SPRY3: variants seen among roughly 807,000 people sequenced by gnomAD.
SPRY3 encodes the protein sprouty RTK signaling antagonist 3.
Under a neutral mutation model 20.2 loss-of-function variants are expected in SPRY3, and 15 were observed. That is an observed-to-expected ratio of 0.74 (90% CI 0.50 to 1.14). The LOEUF is 1.14. SPRY3 is among the 50% of genes most tolerant of loss of function. The probability of loss-of-function intolerance (pLI) is 0.00; values close to 1 mark genes in which losing one functional copy is unlikely to be tolerated. For synonymous variants in SPRY3, 143 were observed against 136.5 expected (o/e 1.05, Z -0.33); for missense variants, 364 against 363.9 (o/e 1.00, Z 0.00).
intron 2 of SPRY3, among the ~76,000 whole-genome samples, chrX:155,721,645 A>G (rs1215200625): frequency 6.6e-6 from 1 of 152,076 alleles, no homozygotes; most frequent in Non-Finnish European, 1.5e-5. Flanking sequence ...AGAGAGTGGC[A>G]TGATATATTT....
intron 2 of SPRY3, among the ~76,000 whole-genome samples, chrX:155,745,580 G>T (rs1199275600): frequency 2.0e-5 from 3 of 152,006 alleles, no homozygotes; most frequent in Non-Finnish European, 2.9e-5. Flanking sequence ...TCCTTGACAT[G>T]CAGAAAGACT....
At chrX:155,725,368 A>G (rs891728534) in intron 2 of SPRY3, among the ~76,000 whole-genome samples, 114 of 152,184 alleles carry the variant, frequency 7.5e-4, no homozygotes, top group African/African-American at 2.7e-3. Flanking sequence ...TTTTTCTATT[A>G]ATTGGAATAG....
intron 2 of SPRY3, among the ~76,000 whole-genome samples, chrX:155,752,823 T>C (rs2091269622): frequency 6.6e-6 from 1 of 151,872 alleles, no homozygotes; most frequent in African/African-American, 2.4e-5. Flanking sequence ...GAGAGCAATT[T>C]GGCAATATTA....
At chrX:155,672,900 T>C (rs1421867830) in intron 2 of SPRY3, among the ~76,000 whole-genome samples, 1 of 105,345 alleles carries the variant, frequency 9.5e-6, no homozygotes, top group Non-Finnish European at 1.9e-5. Context: ...AAATGATGAG[T>C]TCATGTCCTT....
chrX:155,695,603 A>G (rs997626736), intron 2 of SPRY3, among the ~76,000 whole-genome samples: 3 of 110,669 alleles, frequency 2.7e-5, no homozygotes, highest in South Asian at 3.8e-4. Flanking sequence ...ACATATACTG[A>G]ACATTTTGAT....
exon 4 of SPRY3, chrX:155,775,035 G>A (rs938799114): frequency 1.5e-5 from 7 of 478,894 alleles, no homozygotes; most frequent in Non-Finnish European, 1.9e-5. Context: ...GGACTGACAG[G>A]GCCAGCAACG....
intron 2 of SPRY3, among the ~76,000 whole-genome samples, chrX:155,721,758 A>G (rs1358674978): frequency 1.3e-5 from 2 of 152,192 alleles, no homozygotes; most frequent in African/African-American, 2.4e-5. Context: ...AAGACAAACA[A>G]AAACTGAGGA....
intron 1 of SPRY3, among the ~76,000 whole-genome samples, chrX:155,646,217 G>C (rs781908649): frequency 8.9e-6 from 1 of 111,922 alleles, no homozygotes; most frequent in Non-Finnish European, 1.9e-5. Context: ...CTCGAAATCA[G>C]AAAGTTTGAT....
chrX:155,745,955 A>T (rs1031645448), intron 2 of SPRY3, among the ~76,000 whole-genome samples: 4 of 152,032 alleles, frequency 2.6e-5, no homozygotes, highest in African/African-American at 9.7e-5. Context: ...ACTTGGCTCA[A>T]GTCCAAACTG....
chrX:155,660,654 C>A (rs2068006840), intron 2 of SPRY3, among the ~76,000 whole-genome samples: 1 of 111,039 alleles, frequency 9.0e-6, no homozygotes, highest in Admixed American at 9.6e-5. Flanking sequence ...CTGTCTATCT[C>A]TTTTCTTAGG....
intron 2 of SPRY3, among the ~76,000 whole-genome samples, chrX:155,756,592 G>A (rs1425769157): frequency 6.6e-6 from 1 of 152,132 alleles, no homozygotes; most frequent in African/African-American, 2.4e-5. Context: ...CATGCAGATA[G>A]GCTCAGGTTA....
intron 2 of SPRY3, among the ~76,000 whole-genome samples, chrX:155,705,190 G>A (rs1272061131): frequency 6.6e-6 from 1 of 151,362 alleles, no homozygotes; most frequent in South Asian, 2.1e-4. Flanking sequence ...TATATTTATA[G>A]CATATATAAA....
chrX:155,752,120 C>A (rs901898621), intron 2 of SPRY3, among the ~76,000 whole-genome samples: 5 of 151,512 alleles, frequency 3.3e-5, no homozygotes, highest in Non-Finnish European at 7.4e-5. Context: ...AAGAATGACA[C>A]ATGTCTAGAC....
chrX:155,695,321 T>A (rs770867090), intron 2 of SPRY3, among the ~76,000 whole-genome samples: 3 of 111,924 alleles, frequency 2.7e-5, no homozygotes, highest in Admixed American at 9.5e-5. Flanking sequence ...GTTATCTCTC[T>A]ATGGGTTATG....
At chrX:155,650,203 C>T (rs1333953415) in intron 1 of SPRY3, among the ~76,000 whole-genome samples, 1 of 111,287 alleles carries the variant, frequency 9.0e-6, no homozygotes, top group African/African-American at 3.3e-5. Context: ...TTTATAGATT[C>T]AATGCTATCC....
At chrX:155,617,226 A>G (rs975892264) in intron 1 of SPRY3, among the ~76,000 whole-genome samples, 3 of 109,323 alleles carry the variant, frequency 2.7e-5, no homozygotes, top group African/African-American at 1.0e-4. Flanking sequence ...TGCCAAGCAC[A>G]TATCATAGGA....
At chrX:155,734,655 CACAA>C (rs200569923) in intron 2 of SPRY3, among the ~76,000 whole-genome samples, 7,252 of 151,798 alleles carry the variant, frequency 0.048, 208 homozygotes, top group African/African-American at 0.08. Context: ...AACACACACA[CACAA>C]ACAAACAAAC....
chrX:155,664,708 A>G (rs1326903959), intron 2 of SPRY3, among the ~76,000 whole-genome samples: 2 of 110,350 alleles, frequency 1.8e-5, no homozygotes, highest in African/African-American at 6.6e-5. Context: ...TAAAAATTTA[A>G]TAATTTAATT....
At chrX:155,772,656 A>G (rs973385451) in intron 3 of SPRY3, among the ~76,000 whole-genome samples, 2 of 152,130 alleles carry the variant, frequency 1.3e-5, no homozygotes, top group African/African-American at 4.8e-5. Flanking sequence ...CTATTTGTAC[A>G]GTATTTTCCC....
Sources: gnomAD v4.1 joint callset for allele counts (sites outside exome capture counted in the v4.1 genomes callset) on GRCh38, gnomAD v4.1.1 for gene constraint, MANE v1.5 for transcripts, NCBI Gene and HGNC (gene_info 2026-07-23, HGNC 2026-07-21) for gene names.